UBE4B: variants seen among roughly 807,000 people sequenced by gnomAD.
UBE4B encodes ubiquitin conjugation factor E4 B.
Under a neutral mutation model 148.1 loss-of-function variants are expected in UBE4B, and 27 were observed. That is an observed-to-expected ratio of 0.18 (90% CI 0.13 to 0.25). The LOEUF is 0.25. Among genes scored for constraint, UBE4B ranks in the 10% least tolerant of loss-of-function variants. The probability of loss-of-function intolerance (pLI) is 1.00; values close to 1 mark genes in which losing one functional copy is unlikely to be tolerated. For missense variants in UBE4B, 1,170 were observed against 1,662.4 expected (o/e 0.70, Z 5.15); for synonymous variants, 596 against 619.3 (o/e 0.96, Z 0.56).
intron 1 of UBE4B, among the ~76,000 whole-genome samples, chr1:10,063,465 T>G (rs1644326041): frequency 6.6e-6 from 1 of 152,162 alleles, no homozygotes; most frequent in African/African-American, 2.4e-5. Flanking sequence ...CTTCCTCACT[T>G]TTTACTTCCA....
At chr1:10,160,504 G>A (rs985925701) in intron 22 of UBE4B, among the ~76,000 whole-genome samples, 6 of 152,082 alleles carry the variant, frequency 3.9e-5, no homozygotes, top group African/African-American at 1.4e-4. Flanking sequence ...GGTTTTCCAT[G>A]GTGTGACTGT....
intron 10 of UBE4B, among the ~76,000 whole-genome samples, chr1:10,123,847 C>T (rs959847500): frequency 6.6e-6 from 1 of 152,160 alleles, no homozygotes; most frequent in African/African-American, 2.4e-5. Context: ...GATCTCGGCT[C>T]ACTGCAACCT....
chr1:10,048,513 G>A (rs1263258935), intron 1 of UBE4B, among the ~76,000 whole-genome samples: 2 of 152,130 alleles, frequency 1.3e-5, no homozygotes, highest in African/African-American at 4.8e-5. Flanking sequence ...AGCAATTAAA[G>A]GTTGGGAGAT....
chr1:10,149,106 G>T, intron 19 of UBE4B, 78 bp from the exon 20 acceptor site: 1 of 993,578 alleles, frequency 1.0e-6, no homozygotes, highest in Non-Finnish European at 1.5e-6. Flanking sequence ...ATACTTATCC[G>T]ATGGTAATGT....
At chr1:10,035,011 T>C (rs1005209454) in intron 1 of UBE4B, among the ~76,000 whole-genome samples, 2 of 152,192 alleles carry the variant, frequency 1.3e-5, no homozygotes, top group Admixed American at 1.3e-4. Context: ...GTTTGTTTGT[T>C]TTTTTGAGAC....
intron 5 of UBE4B, among the ~76,000 whole-genome samples, chr1:10,103,950 C>T (rs1372625083): frequency 1.3e-5 from 2 of 151,326 alleles, no homozygotes; most frequent in Admixed American, 1.3e-4. Flanking sequence ...TTAGTAGAGA[C>T]AGGATTTCAC....
intron 15 of UBE4B, among the ~76,000 whole-genome samples, chr1:10,134,116 G>C (rs1645638681): frequency 6.6e-6 from 1 of 151,970 alleles, no homozygotes; most frequent in South Asian, 2.1e-4. Context: ...TGAGCCTCAG[G>C]CAAATCACTT....
chr1:10,038,823 G>A (rs1161935991), intron 1 of UBE4B, among the ~76,000 whole-genome samples: 3 of 152,034 alleles, frequency 2.0e-5, no homozygotes, highest in Non-Finnish European at 4.4e-5. Flanking sequence ...GGGGCCGGGC[G>A]CGGTGGCTCA....
chr1:10,077,471 T>G (rs759837059), intron 2 of UBE4B, among the ~76,000 whole-genome samples: 4 of 152,210 alleles, frequency 2.6e-5, no homozygotes, highest in Non-Finnish European at 5.9e-5. Context: ...TTGATCTGCA[T>G]CTCCTCTTCC....
intron 10 of UBE4B, among the ~76,000 whole-genome samples, chr1:10,122,702 A>T (rs1314620906): frequency 6.6e-6 from 1 of 152,250 alleles, no homozygotes; most frequent in Non-Finnish European, 1.5e-5. Context: ...TTGCTGTTTG[A>T]AGGACCTGTT....
chr1:10,154,987 T>C (rs1168493682), intron 21 of UBE4B, among the ~76,000 whole-genome samples: 1 of 152,202 alleles, frequency 6.6e-6, no homozygotes, highest in Non-Finnish European at 1.5e-5. Flanking sequence ...AAACATGTAT[T>C]GTTAGTAGTA....
chr1:10,124,158 TATTA>T (rs769648244), intron 10 of UBE4B, among the ~76,000 whole-genome samples: 1 of 152,092 alleles, frequency 6.6e-6, no homozygotes, highest in Non-Finnish European at 1.5e-5. Flanking sequence ...CTGTTTATTC[TATTA>T]ATTAATTAAT....
chr1:10,126,230 G>T (rs1283280877), intron 10 of UBE4B, among the ~76,000 whole-genome samples: 1 of 152,146 alleles, frequency 6.6e-6, no homozygotes, highest in Non-Finnish European at 1.5e-5. Flanking sequence ...AACCCCAGAG[G>T]CACAGGTTGC....
chr1:10,130,933 C>A, intron 14 of UBE4B, 120 bp downstream of exon 14: 1 of 813,708 alleles, frequency 1.2e-6, no homozygotes, highest in Non-Finnish European at 2.0e-6. Context: ...CCAATTCGAT[C>A]TTACATAAAA....
At chr1:10,129,916 G>A (rs1016222600) in intron 12 of UBE4B, among the ~76,000 whole-genome samples, 1 of 151,992 alleles carries the variant, frequency 6.6e-6, no homozygotes, top group African/African-American at 2.4e-5. Context: ...GCCTCCCAAA[G>A]TGTTGGGTTA....
intron 1 of UBE4B, among the ~76,000 whole-genome samples, chr1:10,038,495 G>A (rs762932689): frequency 6.6e-6 from 1 of 152,120 alleles, no homozygotes; most frequent in Non-Finnish European, 1.5e-5. Context: ...AATTTTACAA[G>A]TCAGGAAACT....
chr1:10,049,834 G>A (rs987216445), intron 1 of UBE4B, among the ~76,000 whole-genome samples: 9 of 150,184 alleles, frequency 6.0e-5, no homozygotes, highest in African/African-American at 2.0e-4. Context: ...AGGGTGCAGT[G>A]AGCCATGATC....
chr1:10,125,577 A>T (rs951034645), intron 10 of UBE4B, among the ~76,000 whole-genome samples: 3 of 152,230 alleles, frequency 2.0e-5, no homozygotes, highest in Admixed American at 1.3e-4. Context: ...GAATTTTTCA[A>T]GTTTTCTAGT....
At chr1:10,115,836 T>C (rs1645299063) in intron 7 of UBE4B, among the ~76,000 whole-genome samples, 1 of 152,218 alleles carries the variant, frequency 6.6e-6, no homozygotes, top group Non-Finnish European at 1.5e-5. Flanking sequence ...CTGAACACTC[T>C]AGGCAATTAG....
Sources: gnomAD v4.1 joint callset for allele counts (sites outside exome capture counted in the v4.1 genomes callset) on GRCh38, gnomAD v4.1.1 for gene constraint, MANE v1.5 for transcripts, NCBI Gene and HGNC (gene_info 2026-07-23, HGNC 2026-07-21) for gene names.